The following AAK1 variants were observed in gnomAD, a reference collection of about 807,000 sequenced individuals.
The protein encoded by AAK1 is AP2 associated kinase 1.
In AAK1, 37 loss-of-function variants were observed where a neutral mutation model predicts 116.0. The observed-to-expected ratio is 0.32, with a 90% confidence interval of 0.25 to 0.42. AAK1 has a LOEUF of 0.42. AAK1 is among the 10% of genes least tolerant of loss of function. The probability of loss-of-function intolerance (pLI) is 1.00; values close to 1 mark genes in which losing one functional copy is unlikely to be tolerated. For missense variants in AAK1, 919 were observed against 1,170.6 expected (o/e 0.79, Z 3.14); for synonymous variants, 458 against 439.9 (o/e 1.04, Z -0.51).
At chr2:69,623,150 T>C (rs1277249149) in intron 2 of AAK1, among the ~76,000 whole-genome samples, 1 of 152,142 alleles carries the variant, frequency 6.6e-6, no homozygotes, top group Non-Finnish European at 1.5e-5. Context: ...GTCTGCAGCT[T>C]CACTCCTGAG....
At chr2:69,600,546 G>T (rs969556403) in intron 2 of AAK1, among the ~76,000 whole-genome samples, 1 of 152,166 alleles carries the variant, frequency 6.6e-6, no homozygotes, top group African/African-American at 2.4e-5. Flanking sequence ...TGACTGAATT[G>T]TCGCAATCTC....
At chr2:69,521,924 A>G (rs997203038) in intron 10 of AAK1, among the ~76,000 whole-genome samples, 1 of 152,270 alleles carries the variant, frequency 6.6e-6, no homozygotes, top group African/African-American at 2.4e-5. Context: ...CAGAACTGCC[A>G]TGCTGGCCTT....
chr2:69,582,424 C>A (rs886085093), intron 2 of AAK1, among the ~76,000 whole-genome samples: 15 of 152,102 alleles, frequency 9.9e-5, no homozygotes, highest in African/African-American at 3.4e-4. Flanking sequence ...TGTGTGCGTG[C>A]ACACATGCAC....
chr2:69,481,557 T>C (rs1675088099), intron 18 of AAK1: 1 of 152,398 alleles, frequency 6.6e-6, no homozygotes, highest in African/African-American at 2.4e-5. Context: ...CCTACCCCTA[T>C]GCAAGGTCAT....
At chr2:69,541,333 T>G (rs1186059220) in intron 5 of AAK1, among the ~76,000 whole-genome samples, 1 of 150,652 alleles carries the variant, frequency 6.6e-6, no homozygotes, top group Non-Finnish European at 1.5e-5. Context: ...CAGGTGCAAG[T>G]GATTCTCATG....
At chr2:69,587,479 T>A (rs1168147496) in intron 2 of AAK1, among the ~76,000 whole-genome samples, 57 of 149,318 alleles carry the variant, frequency 3.8e-4, no homozygotes, top group East Asian at 9.7e-4. Context: ...ATATATATAT[T>A]TTTTTGATGT....
intron 3 of AAK1, among the ~76,000 whole-genome samples, chr2:69,550,872 T>G (rs984619340): frequency 3.3e-5 from 5 of 151,976 alleles, no homozygotes; most frequent in Admixed American, 6.6e-5. Context: ...CTCCTCGGCC[T>G]CCCAAAGTGT....
intron 10 of AAK1, among the ~76,000 whole-genome samples, chr2:69,522,078 G>T (rs1255178441): frequency 6.6e-6 from 1 of 152,248 alleles, no homozygotes; most frequent in Non-Finnish European, 1.5e-5. Context: ...CTTGCTCCCT[G>T]TGAGGGGTGC....
chr2:69,553,437 G>GTTTTTTTTTTTTTTT (rs70954350), intron 3 of AAK1, among the ~76,000 whole-genome samples: 2 of 79,598 alleles, frequency 2.5e-5, no homozygotes, highest in African/African-American at 1.1e-4. Context: ...ATTGAAAGTT[G>GTTTTTTTTTTTTTTT]TTTTTTTTTT....
intron 17 of AAK1, among the ~76,000 whole-genome samples, chr2:69,495,611 TTCATATTTTGATCACTTTA>T (rs1355746507): frequency 3.3e-5 from 5 of 152,188 alleles, no homozygotes; most frequent in Non-Finnish European, 7.3e-5. Context: ...ATCACCACTA[TTCATATTTTGATCACTTTA>T]TCATGTGCTT....
At chr2:69,563,276 G>A (rs1181836352) in intron 2 of AAK1, among the ~76,000 whole-genome samples, 2 of 152,156 alleles carry the variant, frequency 1.3e-5, no homozygotes, top group African/African-American at 2.4e-5. Flanking sequence ...GCAAGGAAAA[G>A]TGAGGGAAGG....
At chr2:69,521,545 A>G (rs544035186) in intron 10 of AAK1, among the ~76,000 whole-genome samples, 179 of 152,360 alleles carry the variant, frequency 1.2e-3, no homozygotes, top group Non-Finnish European at 2.0e-3. Context: ...AAAAATAAAA[A>G]GGAAGTGTCA....
chr2:69,581,500 T>C (rs1250105429), intron 2 of AAK1, among the ~76,000 whole-genome samples: 2 of 152,196 alleles, frequency 1.3e-5, no homozygotes, highest in Non-Finnish European at 2.9e-5. Context: ...AAGTATTCTC[T>C]AAATACGTTT....
At chr2:69,554,698 C>T (rs958288284) in intron 3 of AAK1, among the ~76,000 whole-genome samples, 1 of 152,156 alleles carries the variant, frequency 6.6e-6, no homozygotes, top group African/African-American at 2.4e-5. Context: ...TTTAGAAAGA[C>T]ATCAAAAGAA....
intron 18 of AAK1, 118 bp downstream of exon 18, chr2:69,482,593 G>C (rs1675135310): frequency 2.5e-6 from 2 of 815,312 alleles, no homozygotes; most frequent in South Asian, 1.4e-5. Context: ...AGATTAAATA[G>C]CCTTGGCTTC....
intron 2 of AAK1, among the ~76,000 whole-genome samples, chr2:69,620,681 C>T (rs1181191258): frequency 6.6e-6 from 1 of 152,146 alleles, no homozygotes; most frequent in African/African-American, 2.4e-5. Flanking sequence ...CCCATGTCTG[C>T]GAGACACTGC....
At position 69,471,905 on chromosome 2, in the gene AAK1, A is replaced by G. The variant is rs1188878179; in HGVS notation, c.*3964T>C. 65 of 985,208 alleles carry G rather than the reference A, an allele frequency of 6.6e-5. No homozygotes were observed. The highest frequency in any genetic ancestry group is 7.6e-5 in the Non-Finnish European group (63 of 829,812). The allele number at this position is 985,208 out of a possible 1,614,324, so 61.0% of individuals were successfully genotyped here. A position where few individuals can be genotyped will look rare whatever the true frequency, so the allele number is the denominator to read the frequency against. ...CAAAACAACCAAAAGTATTAATAATAAAACAAATATTACATCTTGAGAAAG... is the reference window on the plus strand; with the variant it reads ...CAAAACAACCAAAAGTATTAATAATGAAACAAATATTACATCTTGAGAAAG... On this transcript the variant is annotated 3_prime_UTR_variant, in exon 22 of 22. Coordinates refer to ENST00000409085, the MANE Select transcript of AAK1 (RefSeq NM_014911.5).
rs1674607903 is a variant in AAK1, at chr2:69,469,585, G to T, written c.*6284C>A. 3.0e-6 allele frequency: 3 copies of T among 985,304 alleles called. No individual in the cohort carries two copies. Among genetic ancestry groups the T allele is most frequent in the South Asian group, 9.4e-5 (2 of 21,288 alleles). The allele number at this position is 985,304 out of a possible 1,614,324, so 61.0% of individuals were successfully genotyped here. On this transcript the variant is annotated 3_prime_UTR_variant, in exon 22 of 22. Transcript: ENST00000409085. ...CTTTGGTAACCAATGGCACGTCATA[G>T]CAGATACCCTGTGGCCATAGAGCTC...
intron 9 of AAK1, 81 bp downstream of exon 9, chr2:69,527,135 T>C: frequency 9.8e-7 from 1 of 1,017,958 alleles, no homozygotes; most frequent in Non-Finnish European, 1.5e-6. Context: ...TAAATTCATT[T>C]AAACAGCTGA....
Sources: allele counts gnomAD v4.1 joint callset (sites outside exome capture counted in the v4.1 genomes callset), GRCh38; gene constraint gnomAD v4.1.1; transcripts MANE v1.5; gene names NCBI Gene and HGNC (gene_info 2026-07-23, HGNC 2026-07-21).